The following PMM1 variants were observed in gnomAD, a reference collection of about 807,000 sequenced individuals.
PMM1 encodes the protein phosphomannomutase 1.
Under a neutral mutation model 34.0 loss-of-function variants are expected in PMM1, and 25 were observed. The ratio of observed to expected loss-of-function variants is 0.73; its 90% CI spans 0.54 to 1.03. PMM1 has a LOEUF of 1.03. Ranked by LOEUF, PMM1 falls within the 50% of genes least tolerant of loss-of-function variation. The pLI is 0.00. For synonymous variants in PMM1, 134 were observed against 143.9 expected (o/e 0.93, Z 0.49); for missense variants, 321 against 350.1 (o/e 0.92, Z 0.66).
At chr22:41,577,612 C>A in intron 7 of PMM1, 172 bp from the exon 8 acceptor site, 1 of 891,244 alleles carries the variant, frequency 1.1e-6, no homozygotes, top group Non-Finnish European at 1.7e-6. Flanking sequence ...AGTGCCCAGC[C>A]TCTTGGGGCC....
intron 1 of PMM1, 117 bp downstream of exon 1, chr22:41,589,602 C>G (rs1184165469): frequency 1.1e-6 from 1 of 873,824 alleles, no homozygotes; most frequent in African/African-American, 1.7e-5. Context: ...CGGGTACCGC[C>G]GCATCCCACA....
At position 41,588,818 on chromosome 22, in the gene PMM1, G is replaced by C. The variant is rs892841420; in HGVS notation, c.87+901C>G. The C allele has an allele frequency of 3.0e-6, 3 of 985,342 alleles. No individual in the cohort carries two copies. The African/African-American group carries it at 5.2e-5, about 17-fold the overall frequency. The allele number at this position is 985,342 out of a possible 1,614,324, so 61.0% of individuals were successfully genotyped here. Reference sequence around the variant, plus strand: ...TTCCCATCAGCCACTGCCCAGTAAAGCCCATCCCACTGCTCCCCCACGCTA... The same window carrying C: ...TTCCCATCAGCCACTGCCCAGTAAACCCCATCCCACTGCTCCCCCACGCTA... On this transcript the variant is annotated intron_variant, in intron 1 of 7. Coordinates refer to ENST00000216259, the MANE Select transcript of PMM1 (RefSeq NM_002676.3).
At position 41,586,132 on chromosome 22, in the gene PMM1, A is replaced by G. The variant is rs202206339; in HGVS notation, c.149T>C (p.Val50Ala). 1 of 1,612,634 alleles carries G rather than the reference A, an allele frequency of 6.2e-7. No homozygotes were observed. The highest frequency in any genetic ancestry group is 2.2e-5 in the East Asian group (1 of 44,676). Residue 50 changes from valine (V) to alanine (A), a missense_variant, in exon 2 of 8, where the codon GTG becomes GCG. Transcript: ENST00000216259. ...CTTACAGTAGTCAGAGCCGCCCACCACACCGATCTGCACTCTACTTCGTAG... is the reference window on the plus strand; with the variant it reads ...CTTACAGTAGTCAGAGCCGCCCACCGCACCGATCTGCACTCTACTTCGTAG... ...QKLRSRVQIG[V>A]VGGSDYCKIA...
intron 1 of PMM1, 57 bp from the exon 2 acceptor site, chr22:41,586,250 A>C: frequency 6.3e-7 from 1 of 1,595,776 alleles, no homozygotes; most frequent in South Asian, 1.1e-5. Flanking sequence ...TGGGACCTCC[A>C]CTTAGCCCTC....
chr22:41,580,203 G>GGCCTCA (rs2067228276), intron 5 of PMM1: 1 of 152,310 alleles, frequency 6.6e-6, no homozygotes, highest in Non-Finnish European at 1.5e-5. Context: ...ACCTCGAGCT[G>GGCCTCA]GTTACTCACC....
rs1209846456 is a variant in PMM1 at position 41,578,873 on chromosome 22, C to A, written c.483G>T (p.Lys161Asn). The A allele has an allele frequency of 3.1e-6, 5 of 1,613,822 alleles. No individual in the cohort carries two copies. The highest frequency in any genetic ancestry group is 4.2e-6 in the Non-Finnish European group (5 of 1,179,938). ...IEFSELDKKE[K>N]IREKFVEALK... ...GGGCTTCCACGAACTTCTCCCGGATCTTCTCTTTCTGCAGAGGGGAGGGAG... is the reference window on the plus strand; with the variant it reads ...GGGCTTCCACGAACTTCTCCCGGATATTCTCTTTCTGCAGAGGGGAGGGAG... The change falls in exon 6 of 8, where the codon AAG becomes AAT. Residue 161 changes from lysine (K) to asparagine (N), a missense_variant. Transcript: ENST00000216259.
At chr22:41,589,092 C>G in intron 1 of PMM1, 1 of 1,303,976 alleles carries the variant, frequency 7.7e-7, no homozygotes, top group Non-Finnish European at 1.0e-6. Flanking sequence ...ACAGGCTAGG[C>G]CTGGAGCCTC....
At chr22:41,579,818 T>G (rs1214126136) in intron 5 of PMM1, 2 of 152,364 alleles carry the variant, frequency 1.3e-5, no homozygotes, top group Non-Finnish European at 2.9e-5. Flanking sequence ...GTAGCCAGGC[T>G]TGGCTACTGT....
At chr22:41,586,380 T>G in intron 1 of PMM1, 187 bp from the exon 2 acceptor site, 5 of 1,051,756 alleles carry the variant, frequency 4.8e-6, no homozygotes, top group Non-Finnish European at 6.4e-6. Flanking sequence ...CCCAACACTT[T>G]GCGAGGCCAA....
At chr22:41,581,946 C>T (rs573316015) in intron 5 of PMM1, among the ~76,000 whole-genome samples, 1 of 152,018 alleles carries the variant, frequency 6.6e-6, no homozygotes, top group South Asian at 2.1e-4. Context: ...GATTGTGCCA[C>T]TGCACTCCAG....
intron 1 of PMM1, chr22:41,589,353 G>A: frequency 2.3e-6 from 1 of 437,462 alleles, no homozygotes; most frequent in Non-Finnish European, 4.3e-6. Flanking sequence ...GTGTCGTAGG[G>A]CTGAACTAGG....
rs762139305 is a variant in PMM1, at chr22:41,577,322, G to A, written c.785C>T (p.Ala262Val). The A allele has an allele frequency of 2.6e-5, 42 of 1,612,818 alleles. No individual in the cohort carries two copies. The highest frequency in any genetic ancestry group is 6.7e-5 in the East Asian group (3 of 44,898). Residue 262 changes from alanine (A) to valine (V), a missense_variant, in exon 8 of 8, where the codon GCG becomes GTG. Transcript: ENST00000216259. ...EIFFPETAHE[A>V] ...ACACACAGATGTGGGCCCCGGTCAC[G>A]CCTCATGAGCTGTCTCTGGGAAGAA...
intron 5 of PMM1, among the ~76,000 whole-genome samples, chr22:41,583,493 AAAAG>A (rs2067269811): frequency 6.6e-6 from 1 of 152,112 alleles, no homozygotes; most frequent in Non-Finnish European, 1.5e-5. Context: ...TCCAAAAAGA[AAAAG>A]AAAGAAAGGT....
In PMM1 at chr22:41,577,081, C is replaced by T. The variant is rs947444169; in HGVS notation, c.*237G>A. On this transcript the variant is annotated 3_prime_UTR_variant, in exon 8 of 8. Coordinates refer to ENST00000216259, the MANE Select transcript of PMM1 (RefSeq NM_002676.3). ...CCGAAATACAAGCAGCAGCTGTGGC[C>T]TGGGCCACCAGGTGGAGCATGGGGA... 1 of 576,880 alleles carries T rather than the reference C, an allele frequency of 1.7e-6. No individual in the cohort carries two copies. The highest frequency in any genetic ancestry group is 1.9e-5 in the African/African-American group (1 of 53,404). The allele number at this position is 576,880 out of a possible 1,614,324, so 35.7% of individuals were successfully genotyped here.
At chr22:41,581,462 T>C (rs1182867299) in intron 5 of PMM1, among the ~76,000 whole-genome samples, 1 of 152,186 alleles carries the variant, frequency 6.6e-6, no homozygotes, top group Non-Finnish European at 1.5e-5. Flanking sequence ...AAATCTTTGC[T>C]CTGCAACCAA....
intron 1 of PMM1, chr22:41,588,819 C>A: frequency 1.6e-5 from 16 of 985,454 alleles, no homozygotes; most frequent in Non-Finnish European, 1.9e-5. Flanking sequence ...CCCAGTAAAG[C>A]CCATCCCACT....
rs376737640 is a variant in PMM1 at position 41,577,390 on chromosome 22, G to A, written c.717C>T (p.Ser239=). 34 of 1,612,822 alleles carry A rather than the reference G, an allele frequency of 2.1e-5. No individual in the cohort carries two copies. The highest frequency in any genetic ancestry group is 2.0e-4 in the African/African-American group (15 of 75,048). ...IFADPRTVGH[S]VVSPQDTVQR... ...GCACCGTGTCCTGAGGAGACACCAC[G>A]CTGTGGCCAACAGTCCGGGGGTCGG... The change falls in exon 8 of 8, where the codon AGC becomes AGT. Residue 239 remains serine (S), a synonymous_variant. Coordinates refer to ENST00000216259, the MANE Select transcript of PMM1 (RefSeq NM_002676.3).
At chr22:41,589,570 G>A in intron 1 of PMM1, 149 bp downstream of exon 1, 1 of 664,134 alleles carries the variant, frequency 1.5e-6, no homozygotes, top group East Asian at 2.7e-5. Context: ...CTCCCGGTGG[G>A]TGGCCCCGGA....
intron 2 of PMM1, 43 bp from the exon 3 acceptor site, chr22:41,584,646 A>T (rs770624298): frequency 2.0e-6 from 3 of 1,478,386 alleles, no homozygotes; most frequent in East Asian, 2.3e-5. Context: ...AGAGTGTGAG[A>T]CCACGTCTGT....
Sources: allele counts gnomAD v4.1 joint callset (sites outside exome capture counted in the v4.1 genomes callset), GRCh38; gene constraint gnomAD v4.1.1; transcripts MANE v1.5; gene names NCBI Gene and HGNC (gene_info 2026-07-23, HGNC 2026-07-21).